MCTP2: variants seen among roughly 807,000 people sequenced by gnomAD.
MCTP2 encodes the protein multiple C2 and transmembrane domain-containing protein 2.
In MCTP2, 132 loss-of-function variants were observed where a neutral mutation model predicts 111.6. That is an observed-to-expected ratio of 1.18 (90% CI 1.03 to 1.37). The LOEUF (loss-of-function observed/expected upper bound fraction) is 1.37. Among genes scored for constraint, MCTP2 ranks in the 40% most tolerant of loss-of-function variants. The pLI is 0.00. For missense variants in MCTP2, 1,183 were observed against 1,067.9 expected (o/e 1.11, Z -1.50); for synonymous variants, 395 against 387.7 (o/e 1.02, Z -0.22).
At chr15:94,366,739 C>T (rs983916636) in intron 10 of MCTP2, among the ~76,000 whole-genome samples, 1 of 152,104 alleles carries the variant, frequency 6.6e-6, no homozygotes, top group Non-Finnish European at 1.5e-5. Flanking sequence ...GAATACCATG[C>T]CCCACTTTAC....
chr15:94,284,796 A>G (rs1374223238), intron 1 of MCTP2, among the ~76,000 whole-genome samples: 1 of 151,836 alleles, frequency 6.6e-6, no homozygotes, highest in Non-Finnish European at 1.5e-5. Flanking sequence ...TGGCCCAGGG[A>G]TCTGAAAATG....
intron 1 of MCTP2, among the ~76,000 whole-genome samples, chr15:94,241,204 G>A (rs759647341): frequency 6.6e-6 from 1 of 152,090 alleles, no homozygotes; most frequent in Non-Finnish European, 1.5e-5. Context: ...GGTGTAAATG[G>A]CAGGGGAAAG....
At chr15:94,467,824 T>C (rs1371341458) in intron 20 of MCTP2, among the ~76,000 whole-genome samples, 1 of 152,200 alleles carries the variant, frequency 6.6e-6, no homozygotes, top group African/African-American at 2.4e-5. Flanking sequence ...TCCAAAAAGT[T>C]CTGTTACAGG....
intron 1 of MCTP2, among the ~76,000 whole-genome samples, chr15:94,252,671 A>G (rs2072517134): frequency 1.3e-5 from 2 of 151,944 alleles, no homozygotes; most frequent in South Asian, 4.2e-4. Flanking sequence ...ACAAGGTATC[A>G]CAGCTTAAAC....
At chr15:94,399,777 C>T in intron 15 of MCTP2, 144 bp from the exon 16 acceptor site, 1 of 690,318 alleles carries the variant, frequency 1.4e-6, no homozygotes, top group Admixed American at 2.3e-5. Context: ...GTACAGGGCA[C>T]AGGGGTGTCC....
At chr15:94,315,226 G>C (rs1010844092) in intron 3 of MCTP2, among the ~76,000 whole-genome samples, 1 of 152,140 alleles carries the variant, frequency 6.6e-6, no homozygotes, top group African/African-American at 2.4e-5. Flanking sequence ...TTTATAACAA[G>C]GGATCCTGCA....
At chr15:94,465,493 A>G (rs778512698) in intron 20 of MCTP2, among the ~76,000 whole-genome samples, 12 of 152,170 alleles carry the variant, frequency 7.9e-5, no homozygotes, top group Non-Finnish European at 1.3e-4. Flanking sequence ...CTCTTTTAAG[A>G]TATCTTATTG....
chr15:94,384,416 G>A (rs932300148), intron 13 of MCTP2, among the ~76,000 whole-genome samples: 1 of 152,078 alleles, frequency 6.6e-6, no homozygotes, highest in African/African-American at 2.4e-5. Flanking sequence ...TCATTCGTGG[G>A]TTAAGGAAAT....
At chr15:94,248,452 C>G (rs1195972619) in intron 1 of MCTP2, among the ~76,000 whole-genome samples, 3 of 152,154 alleles carry the variant, frequency 2.0e-5, no homozygotes, top group African/African-American at 7.2e-5. Flanking sequence ...AACTTTGCTC[C>G]CAATGAGAGC....
intron 12 of MCTP2, among the ~76,000 whole-genome samples, chr15:94,376,505 T>C (rs1350407502): frequency 1.3e-5 from 2 of 152,208 alleles, no homozygotes; most frequent in Non-Finnish European, 1.5e-5. Flanking sequence ...CATGTCCTCA[T>C]GGGTATTTTA....
In MCTP2 at chr15:94,476,673, T is replaced by C. The variant is rs140235909; in HGVS notation, c.2471-23T>C. ...ATAGACAGACAGACAGATAAAGAGA[T>C]CTCCTGTGTTTCTATTTTTCAGGCA... On this transcript the variant is annotated intron_variant, in intron 21 of 22. Transcript: ENST00000357742. 643 of 1,152,444 alleles carry C rather than the reference T, an allele frequency of 5.6e-4. 2 individuals are homozygous for C. The highest frequency in any genetic ancestry group is 3.8e-3 in the African/African-American group (251 of 65,654). 71.4% of individuals were successfully genotyped at this position (1,152,444 alleles called of 1,614,324 possible).
chr15:94,476,605 C>CAGAT (rs10574224), intron 21 of MCTP2, 91 bp from the exon 22 acceptor site: 47,103 of 636,774 alleles, frequency 0.074, 1,310 homozygotes, highest in Admixed American at 0.076. Flanking sequence ...GATTGACTGA[C>CAGAT]AGATAGATAG....
chr15:94,335,095 A>G (rs571812955), intron 4 of MCTP2, among the ~76,000 whole-genome samples: 1 of 152,184 alleles, frequency 6.6e-6, no homozygotes, highest in South Asian at 2.1e-4. Flanking sequence ...GTCTGTTGCT[A>G]TATTTTCTCA....
chr15:94,295,395 G>A (rs989673688), intron 1 of MCTP2, among the ~76,000 whole-genome samples: 2 of 152,098 alleles, frequency 1.3e-5, no homozygotes, highest in African/African-American at 4.8e-5. Flanking sequence ...CTCATTACTT[G>A]TGTTGAAACA....
intron 8 of MCTP2, among the ~76,000 whole-genome samples, chr15:94,354,443 A>T (rs1309602191): frequency 1.3e-5 from 2 of 152,092 alleles, no homozygotes; most frequent in African/African-American, 4.8e-5. Context: ...TTCTCTTGAG[A>T]TCTGATGGCT....
intron 14 of MCTP2, among the ~76,000 whole-genome samples, chr15:94,389,973 C>G (rs2080776894): frequency 6.7e-6 from 1 of 150,166 alleles, no homozygotes; most frequent in African/African-American, 2.5e-5. Context: ...TCTTTTTAAT[C>G]AAGGTGAATG....
At chr15:94,461,815 C>A (rs1297323864) in intron 20 of MCTP2, among the ~76,000 whole-genome samples, 2 of 151,964 alleles carry the variant, frequency 1.3e-5, no homozygotes, top group Non-Finnish European at 2.9e-5. Flanking sequence ...GGTTTGATTC[C>A]AGTTAAGTGG....
At chr15:94,257,931 G>T (rs2072930765) in intron 1 of MCTP2, among the ~76,000 whole-genome samples, 1 of 151,346 alleles carries the variant, frequency 6.6e-6, no homozygotes, top group African/African-American at 2.4e-5. Context: ...CCAGGCTGGG[G>T]TGCAGTGGTG....
At chr15:94,261,504 T>C (rs915497897) in intron 1 of MCTP2, among the ~76,000 whole-genome samples, 8 of 152,222 alleles carry the variant, frequency 5.3e-5, no homozygotes, top group Non-Finnish European at 7.3e-5. Context: ...TGCCTTTTAG[T>C]AATTCTTGCA....
Sources: gnomAD v4.1 joint callset for allele counts (sites outside exome capture counted in the v4.1 genomes callset) on GRCh38, gnomAD v4.1.1 for gene constraint, MANE v1.5 for transcripts, NCBI Gene and HGNC (gene_info 2026-07-23, HGNC 2026-07-21) for gene names.